FAM107A: variants seen among roughly 807,000 people sequenced by gnomAD.
FAM107A encodes actin-associated protein FAM107A.
A neutral mutation model predicts 13.7 loss-of-function variants in FAM107A; 19 were observed. That is an observed-to-expected ratio of 1.38 (90% CI 0.97 to 2.03). The LOEUF (loss-of-function observed/expected upper bound fraction) is 2.03, where lower values mean the gene tolerates loss of function less well. FAM107A is among the 30% of genes most tolerant of loss of function. The pLI, the probability that FAM107A is intolerant of heterozygous loss-of-function variation, is 0.00. For synonymous variants in FAM107A, 82 were observed against 74.5 expected (o/e 1.10, Z -0.52); for missense variants, 203 against 184.4 (o/e 1.10, Z -0.58).
At chr3:58,583,248 T>C (rs190003817) in intron 1 of FAM107A, among the ~76,000 whole-genome samples, 361 of 152,382 alleles carry the variant, frequency 2.4e-3, no homozygotes, top group African/African-American at 8.3e-3. Flanking sequence ...CCGTGGTTAG[T>C]GGGATTATGT....
intron 1 of FAM107A, chr3:58,586,753 G>T (rs952633676): frequency 1.7e-6 from 2 of 1,199,156 alleles, no homozygotes; most frequent in Non-Finnish European, 1.1e-6. Context: ...GCAGAGCAAC[G>T]AAGCAGAGGC....
At chr3:58,594,130 A>G (rs1209848640) in intron 1 of FAM107A, among the ~76,000 whole-genome samples, 1 of 152,184 alleles carries the variant, frequency 6.6e-6, no homozygotes, top group Admixed American at 6.5e-5. Context: ...AACTATGGAC[A>G]TTACCAAAAC....
At chr3:58,576,660 G>A (rs1310791900) in intron 1 of FAM107A, among the ~76,000 whole-genome samples, 1 of 152,224 alleles carries the variant, frequency 6.6e-6, no homozygotes, top group Non-Finnish European at 1.5e-5. Context: ...CCCAATCTCA[G>A]ACTTGCCTTG....
chr3:58,602,907 T>G (rs983400846), intron 1 of FAM107A, among the ~76,000 whole-genome samples: 1 of 152,076 alleles, frequency 6.6e-6, no homozygotes, highest in Admixed American at 6.5e-5. Flanking sequence ...TATGTGTATA[T>G]GTATGTGTGT....
At chr3:58,574,666 A>G (rs534304255) in intron 1 of FAM107A, among the ~76,000 whole-genome samples, 2 of 152,302 alleles carry the variant, frequency 1.3e-5, no homozygotes, top group South Asian at 2.1e-4. Flanking sequence ...TTGCATGACT[A>G]TAGGATGGCA....
rs1490837770 is a variant in FAM107A, at chr3:58,565,747, G to A, written c.*841C>T. The A allele has an allele frequency of 1.3e-5, 2 of 152,088 alleles. No individual in the cohort carries two copies. The highest frequency in any genetic ancestry group is 6.5e-5 in the Admixed American group (1 of 15,284). 9.4% of individuals were successfully genotyped at this position (152,088 alleles called of 1,614,324 possible). ...ATATATATCAGCCCTGGGCACTCTCGCCCTGCTGCTCACAGCATGGTCCTC... is the reference window on the plus strand; with the variant it reads ...ATATATATCAGCCCTGGGCACTCTCACCCTGCTGCTCACAGCATGGTCCTC... On this transcript the variant is annotated 3_prime_UTR_variant, in exon 4 of 4. Transcript: ENST00000360997.
In FAM107A at chr3:58,567,290, T is replaced by C; in HGVS notation, c.245A>G (p.Lys82Arg). ...CTTGGCTTCCAGCTCCTCCTTCTTC[T>C]TCTTGATGAGCTGGTTCCGCCGGCG... Reference protein sequence around the residue: ...EHRRRNQLIKKKKEELEAKRL... With the variant: ...EHRRRNQLIKRKKEELEAKRL... Residue 82 changes from lysine (K) to arginine (R), a missense_variant, in exon 3 of 4, where the codon AAG (lysine) becomes AGG (arginine). Coordinates refer to ENST00000360997, the MANE Select transcript of FAM107A (RefSeq NM_001076778.3). The C allele has an allele frequency of 6.2e-7, 1 of 1,613,798 alleles. No homozygotes were observed. The highest frequency in any genetic ancestry group is 1.1e-5 in the South Asian group (1 of 90,988).
upstream of FAM107A, chr3:58,587,248 C>T: frequency 2.0e-6 from 1 of 499,026 alleles, no homozygotes. Flanking sequence ...CTTCCAGCCT[C>T]GGTCTCCCAC....
At chr3:58,612,900 T>G (rs1204620395) in intron 1 of FAM107A, among the ~76,000 whole-genome samples, 4 of 100,352 alleles carry the variant, frequency 4.0e-5, no homozygotes, top group Non-Finnish European at 7.3e-5. Context: ...TCATGTTTAT[T>G]TTTATTGTGC....
At chr3:58,603,340 C>A (rs1175746235) in intron 1 of FAM107A, among the ~76,000 whole-genome samples, 1 of 152,114 alleles carries the variant, frequency 6.6e-6, no homozygotes, top group Non-Finnish European at 1.5e-5. Flanking sequence ...TGGCTGAGTC[C>A]TTCATGTGCA....
In FAM107A at chr3:58,564,367, T is replaced by G. The variant is rs1427099567; in HGVS notation, c.*2221A>C. On this transcript the variant is annotated 3_prime_UTR_variant, in exon 4 of 4. Coordinates refer to ENST00000360997, the MANE Select transcript of FAM107A (RefSeq NM_001076778.3). The surrounding 1 kb of genome is among the most constrained non-coding windows in gnomAD (Gnocchi z 5.6). ...GCTTTCCCAGAAGCCCAGGTAGACT[T>G]CCTCTTCAATTTCATTGGCCACACC... 2.6e-5 allele frequency: 4 copies of G among 151,244 alleles called. No individual in the cohort carries two copies. Among genetic ancestry groups the G allele is most frequent in the South Asian group, 2.1e-4 (1 of 4,836 alleles). The allele number at this position is 151,244 out of a possible 1,614,324, so 9.4% of individuals were successfully genotyped here.
chr3:58,617,476 C>G lies in FAM107A; in HGVS notation c.-70+9940G>C, dbSNP rs17059498. Among the ~76,000 whole-genome samples, 2 of 151,848 alleles carry G rather than the reference C, an allele frequency of 1.3e-5. No individual in the cohort carries two copies. Among genetic ancestry groups the G allele is most frequent in the Non-Finnish European group, 2.9e-5 (2 of 67,944 alleles). ...GCTTCCCTGTGGCAGCCTCTGTCAT[C>G]TTAGATTTTAGATGAAAAAGAAAGT... On this transcript the variant is annotated intron_variant, in intron 1 of 3. Transcript: ENST00000465970. The surrounding 1 kb of genome is among the most constrained non-coding windows in gnomAD (Gnocchi z 4.5).
chr3:58,610,999 T>C (rs2065848795), intron 1 of FAM107A, among the ~76,000 whole-genome samples: 2 of 152,220 alleles, frequency 1.3e-5, no homozygotes, highest in Non-Finnish European at 2.9e-5. Flanking sequence ...TATGCTGTTC[T>C]CATGATAGTG....
rs535727308 is a variant in FAM107A, at chr3:58,565,466, G to T, written c.*1122C>A. 18 of 101,832 alleles carry T rather than the reference G, an allele frequency of 1.8e-4. No individual in the cohort carries two copies. Among genetic ancestry groups the T allele is most frequent in the African/African-American group, 4.6e-4 (13 of 28,204 alleles). 6.3% of individuals were successfully genotyped at this position (101,832 alleles called of 1,614,324 possible). On this transcript the variant is annotated 3_prime_UTR_variant, in exon 4 of 4. Coordinates refer to ENST00000360997, the MANE Select transcript of FAM107A (RefSeq NM_001076778.3). ...TTTTTTTTTTTTTTTTTTTTGGCTAGAATTGCATCGTAACAGTGTGGTCAC... is the reference window on the plus strand; with the variant it reads ...TTTTTTTTTTTTTTTTTTTTGGCTATAATTGCATCGTAACAGTGTGGTCAC...
intron 1 of FAM107A, among the ~76,000 whole-genome samples, chr3:58,592,344 C>G (rs1365534114): frequency 6.6e-6 from 1 of 152,140 alleles, no homozygotes; most frequent in Non-Finnish European, 1.5e-5. Flanking sequence ...AGCTCCCAGA[C>G]CTGGAGTTCA....
In FAM107A at chr3:58,567,383, A is replaced by G. The variant is rs2063633633; in HGVS notation, c.171-19T>C. 2.5e-6 allele frequency: 4 copies of G among 1,601,438 alleles called. No homozygotes were observed. The highest frequency in any genetic ancestry group is 3.4e-6 in the Non-Finnish European group (4 of 1,174,470). ...AAGGCCCCTGGGGTGGGAAGTGGGG[A>G]GCTGTCAGGAGACCATCACCTTCCC... On this transcript the variant is annotated intron_variant, in intron 2 of 3. Transcript: ENST00000360997.
In FAM107A at chr3:58,613,113, A is replaced by G. The variant is rs2065870064; in HGVS notation, c.-70+14303T>C. 6.6e-6 allele frequency among the ~76,000 whole-genome samples: 1 copy of G among 152,190 alleles called. No homozygotes were observed. Among genetic ancestry groups the G allele is most frequent in the East Asian group, 1.9e-4 (1 of 5,200 alleles). ...ATCGCCAGCCGTGACTCTGCCCTGAAATCTAGCCCAAGGGAGCCAACTGCC... is the reference window on the plus strand; with the variant it reads ...ATCGCCAGCCGTGACTCTGCCCTGAGATCTAGCCCAAGGGAGCCAACTGCC... On this transcript the variant is annotated intron_variant, in intron 1 of 3. Transcript: ENST00000465970. The surrounding 1 kb of genome is among the most constrained non-coding windows in gnomAD (Gnocchi z 4.6).
At chr3:58,587,197 C>A (rs988273998), upstream of FAM107A, 137 of 1,036,626 alleles carry the variant, frequency 1.3e-4, no homozygotes, top group Non-Finnish European at 1.7e-4. Flanking sequence ...GGACTCCTAG[C>A]CCCGAGGTTC....
At chr3:58,595,619 G>A (rs562226634) in intron 1 of FAM107A, among the ~76,000 whole-genome samples, 11 of 152,212 alleles carry the variant, frequency 7.2e-5, no homozygotes, top group Non-Finnish European at 1.5e-4. Context: ...AAGAACTAAT[G>A]ATAATCCCAC....
Sources: gnomAD v4.1 joint callset for allele counts (sites outside exome capture counted in the v4.1 genomes callset) on GRCh38, gnomAD v4.1.1 for gene constraint, Gnocchi (gnomAD v3.1) non-coding constraint, MANE v1.5 for transcripts, NCBI Gene and HGNC (gene_info 2026-07-23, HGNC 2026-07-21) for gene names.